COMMD1: variants seen among roughly 807,000 people sequenced by gnomAD.
COMMD1 encodes the protein COMM domain-containing protein 1.
In COMMD1, 10 loss-of-function variants were observed where a neutral mutation model predicts 17.2. The observed-to-expected ratio is 0.58, with a 90% CI of 0.36 to 0.99. The LOEUF is 0.99. Ranked by LOEUF, COMMD1 falls within the 50% of genes least tolerant of loss-of-function variation. COMMD1 has a pLI of 0.01. For synonymous variants in COMMD1, 97 were observed against 91.6 expected, an observed-to-expected ratio of 1.06 and a Z score of -0.34; for missense variants, 270 against 231.8, an observed-to-expected ratio of 1.17 and a Z score of -1.07.
chr2:62,034,462 C>G (rs892399444), intron 2 of COMMD1, among the ~76,000 whole-genome samples: 2 of 152,124 alleles, frequency 1.3e-5, no homozygotes, highest in African/African-American at 4.8e-5. Context: ...CCACTGCCCT[C>G]CAGCCTGGGC....
chr2:61,911,499 A>G (rs1292030620), intron 1 of COMMD1, among the ~76,000 whole-genome samples: 1 of 152,052 alleles, frequency 6.6e-6, no homozygotes, highest in African/African-American at 2.4e-5. Flanking sequence ...AGAGACAGGG[A>G]CTCACTCTGT....
intron 2 of COMMD1, chr2:62,090,818 A>G (rs1292459171): frequency 6.6e-6 from 1 of 152,204 alleles, no homozygotes; most frequent in Non-Finnish European, 1.5e-5. Context: ...GGGAGATGGG[A>G]TGCCATGTGT....
chr2:61,957,930 G>A (rs1671238736), intron 1 of COMMD1, among the ~76,000 whole-genome samples: 1 of 152,058 alleles, frequency 6.6e-6, no homozygotes, highest in South Asian at 2.1e-4. Context: ...TGCCTACAGT[G>A]TGCTTAGTAC....
rs965811666 is a variant in COMMD1 at position 61,939,496 on chromosome 2, T to C, written c.180+33638T>C. Among the ~76,000 whole-genome samples the C allele has an allele frequency of 6.1e-4, 92 of 151,778 alleles. 1 individual carries two copies. The highest frequency in any genetic ancestry group is 2.0e-3 in the African/African-American group (81 of 41,338). ...AAAAAGAAAAAAAAAAAAGAATTGA[T>C]TGGCTATGTAGGCTCCTTTCAAGTT... On this transcript the variant is annotated intron_variant, in intron 1 of 2. Transcript: ENST00000311832.
chr2:61,927,690 G>A (rs987847707), intron 1 of COMMD1, among the ~76,000 whole-genome samples: 15 of 151,934 alleles, frequency 9.9e-5, no homozygotes, highest in Admixed American at 5.2e-4. Context: ...GAGCCACCGC[G>A]CCTGGCTGGG....
intron 1 of COMMD1, among the ~76,000 whole-genome samples, chr2:61,948,546 C>A (rs1670971475): frequency 1.3e-5 from 2 of 152,130 alleles, no homozygotes. Context: ...AATATTATGA[C>A]TTTCACTCTA....
chr2:62,104,495 G>A (rs1272540604), intron 2 of COMMD1, among the ~76,000 whole-genome samples: 5 of 151,644 alleles, frequency 3.3e-5, no homozygotes, highest in Admixed American at 2.0e-4. Flanking sequence ...TTAGCTGGGC[G>A]TGGTGATGGG....
At chr2:61,913,984 A>G (rs1669983246) in intron 1 of COMMD1, among the ~76,000 whole-genome samples, 1 of 152,048 alleles carries the variant, frequency 6.6e-6, no homozygotes, top group Non-Finnish European at 1.5e-5. Flanking sequence ...ATCCTGGCCA[A>G]CATGGGGAAA....
chr2:62,076,456 A>T (rs569775148), intron 2 of COMMD1, among the ~76,000 whole-genome samples: 1 of 152,246 alleles, frequency 6.6e-6, no homozygotes, highest in African/African-American at 2.4e-5. Flanking sequence ...AAAGAACAGT[A>T]AAAACAGCGG....
chr2:61,924,720 C>G (rs1670283590), intron 1 of COMMD1, among the ~76,000 whole-genome samples: 1 of 152,160 alleles, frequency 6.6e-6, no homozygotes, highest in African/African-American at 2.4e-5. Flanking sequence ...GAGCCATTGT[C>G]CAGTTGGTAT....
intron 1 of COMMD1, among the ~76,000 whole-genome samples, chr2:61,933,341 G>A (rs1459184900): frequency 6.6e-6 from 1 of 151,880 alleles, no homozygotes; most frequent in African/African-American, 2.4e-5. Flanking sequence ...TCAGCTGCTT[G>A]TGTTGCTCTG....
upstream of COMMD1, among the ~76,000 whole-genome samples, chr2:61,902,506 A>G: frequency 6.6e-6 from 1 of 151,596 alleles, no homozygotes; most frequent in East Asian, 2.0e-4. Flanking sequence ...GCGAAACTCC[A>G]CCTTAAAAAA....
At chr2:62,033,606 C>T (rs1452703267) in intron 2 of COMMD1, among the ~76,000 whole-genome samples, 1 of 151,922 alleles carries the variant, frequency 6.6e-6, no homozygotes, top group Non-Finnish European at 1.5e-5. Flanking sequence ...TGTTAAGCTA[C>T]TTCTTAAAAA....
intron 2 of COMMD1, among the ~76,000 whole-genome samples, chr2:62,064,510 T>C (rs901033073): frequency 2.0e-5 from 3 of 152,208 alleles, no homozygotes; most frequent in African/African-American, 7.2e-5. Context: ...TTATAATTTT[T>C]GATTGAGAGC....
At chr2:62,005,133 A>G (rs867125908) in intron 2 of COMMD1, among the ~76,000 whole-genome samples, 4 of 152,232 alleles carry the variant, frequency 2.6e-5, no homozygotes, top group African/African-American at 9.6e-5. Context: ...GATGGAACAT[A>G]GGTATCGTTA....
chr2:61,942,396 G>A (rs1258268442), intron 1 of COMMD1, among the ~76,000 whole-genome samples: 3 of 150,906 alleles, frequency 2.0e-5, no homozygotes, highest in Admixed American at 6.6e-5. Context: ...GAGCCACCAC[G>A]CCTGGCTGTT....
In COMMD1 at chr2:61,947,408, C is replaced by T. The variant is rs552520480; in HGVS notation, c.180+41550C>T. 1.6e-4 allele frequency among the ~76,000 whole-genome samples: 24 copies of T among 152,056 alleles called. No homozygotes were observed. The South Asian group carries it at 3.5e-3, about 22-fold the overall frequency. On this transcript the variant is annotated intron_variant, in intron 1 of 2. Transcript: ENST00000311832. Reference sequence around the variant, plus strand: ...AAAAAATTTGTACTTTTAGGCCAGGCGCGGTGGCTTATGCCTGTAATCCCA... The same window carrying T: ...AAAAAATTTGTACTTTTAGGCCAGGTGCGGTGGCTTATGCCTGTAATCCCA...
At chr2:62,120,977 C>T (rs1558607881) in intron 2 of COMMD1, among the ~76,000 whole-genome samples, 2 of 150,614 alleles carry the variant, frequency 1.3e-5, no homozygotes, top group Admixed American at 6.6e-5. Flanking sequence ...CTCCTGAGCT[C>T]GGGCAATCTA....
At chr2:61,983,344 C>G (rs1398611160) in intron 1 of COMMD1, among the ~76,000 whole-genome samples, 1 of 151,538 alleles carries the variant, frequency 6.6e-6, no homozygotes, top group East Asian at 1.9e-4. Flanking sequence ...CACGTGCCAC[C>G]ACGCCTGGCT....
Sources: gnomAD v4.1 joint callset for allele counts (sites outside exome capture counted in the v4.1 genomes callset) on GRCh38, gnomAD v4.1.1 for gene constraint, MANE v1.5 for transcripts, NCBI Gene and HGNC (gene_info 2026-07-23, HGNC 2026-07-21) for gene names.